Variants in ACE observed in about 807,000 individuals in gnomAD.
ACE encodes the protein angiotensin I converting enzyme, also known as angiotensin-converting enzyme.
Under a neutral mutation model 162.3 loss-of-function variants are expected in ACE, and 122 were observed. The ratio of observed to expected loss-of-function variants is 0.75; its 90% confidence interval spans 0.65 to 0.87. The LOEUF (loss-of-function observed/expected upper bound fraction) is 0.87, where lower values mean the gene tolerates loss of function less well. Among genes scored for constraint, ACE ranks in the 40% least tolerant of loss-of-function variants. The probability of loss-of-function intolerance (pLI) is 0.00; values close to 1 mark genes in which losing one functional copy is unlikely to be tolerated. For synonymous variants in ACE, 796 were observed against 720.6 expected, an observed-to-expected ratio of 1.10 and a Z score of -1.68; for missense variants, 1,799 against 1,735.1, an observed-to-expected ratio of 1.04 and a Z score of -0.65.
rs2029862733 is a variant in ACE, at chr17:63,484,429, C to T, written c.1809C>T (p.Phe603=). The T allele has an allele frequency of 6.2e-7, 1 of 1,612,460 alleles. No individual in the cohort carries two copies. Among genetic ancestry groups the T allele is most frequent in the Admixed American group, 1.7e-5 (1 of 59,964 alleles). The change falls in exon 12 of 25, where the codon TTC becomes TTT. Residue 603 remains phenylalanine, a synonymous_variant. Coordinates refer to ENST00000290866, the MANE Select transcript of ACE (RefSeq NM_000789.4). This position sits in a 1 kb window ranked among gnomAD's most constrained non-coding sequence, Gnocchi z 4.0. ...ATGCCCAGCCGCTGCTCAAGTACTT[C>T]CAGCCAGTCACCCAGTGGCTGCAGG... The part of the protein sequence containing the change: ...ALDAQPLLKY[F]QPVTQWLQEQ...
chr17:63,495,834 C>A, intron 22 of ACE, among the ~76,000 whole-genome samples: 1 of 152,254 alleles, frequency 6.6e-6, no homozygotes, highest in Non-Finnish European at 1.5e-5. Flanking sequence ...GTGGTACATG[C>A]TTGCACCCAG....
chr17:63,486,386 C>T (rs2029936926), intron 13 of ACE, 171 bp from the exon 14 acceptor site: 1 of 723,346 alleles, frequency 1.4e-6, no homozygotes, highest in Admixed American at 2.1e-5. Flanking sequence ...GTACTGCATC[C>T]AGGACGTTAT....
intron 23 of ACE, 80 bp from the exon 24 acceptor site, chr17:63,496,718 G>A (rs1301522279): frequency 6.3e-7 from 1 of 1,595,324 alleles, no homozygotes; most frequent in Admixed American, 1.7e-5. Flanking sequence ...GCTGGGAGTG[G>A]GTATGGAGAG....
Position 63,483,954 on chromosome 17 carries a change from G to A in ACE, c.1692G>A (p.Lys564=), listed in dbSNP as rs1201621622. Residue 564 remains lysine, a synonymous_variant, in exon 11 of 25, where the codon AAG becomes AAA. Coordinates refer to ENST00000290866, the MANE Select transcript of ACE (RefSeq NM_000789.4). ...AGTGTGACATCTACCGGTCCACCAA[G>A]GCAGGGGCCAAGCTCCGGTGTGTGG... ...LHQCDIYRST[K]AGAKLRKVLQ... is the part of the protein sequence containing the mutation. 1 of 1,614,012 alleles carries A rather than the reference G, an allele frequency of 6.2e-7. No individual in the cohort carries two copies. Among genetic ancestry groups the A allele is most frequent in the Admixed American group, 1.7e-5 (1 of 60,016 alleles).
chr17:63,479,921 G>T lies in ACE; in HGVS notation c.655+9G>T, dbSNP rs2049679077. The T allele has an allele frequency of 6.2e-7, 1 of 1,604,862 alleles. No homozygotes were observed. Among genetic ancestry groups the T allele is most frequent in the Middle Eastern group, 1.7e-4 (1 of 5,996 alleles). On this transcript the variant is annotated intron_variant, in intron 4 of 24. Transcript: ENST00000290866. ...AGCCTACAAGCAGGACGGTGAGCAG[G>T]CCTCTCCCTGTCCAGGAACCACGCC...
At chr17:63,482,225 C>T (rs1017063710) in intron 7 of ACE, among the ~76,000 whole-genome samples, 3 of 151,912 alleles carry the variant, frequency 2.0e-5, no homozygotes, top group South Asian at 2.1e-4. Flanking sequence ...CTCTTGAACC[C>T]GGGAGGCGGA....
chr17:63,482,886 C>A, intron 8 of ACE, 143 bp from the exon 9 acceptor site: 1 of 1,098,348 alleles, frequency 9.1e-7, no homozygotes, highest in Non-Finnish European at 1.4e-6. Flanking sequence ...CTCTTCCAAG[C>A]AGGGCCCAGG....
Position 63,497,121 on chromosome 17 carries a change from C to T in ACE, c.3692-16C>T, listed in dbSNP as rs775259926. 6.2e-7 allele frequency: 1 copy of T among 1,601,396 alleles called. No individual in the cohort carries two copies. On this transcript the variant is annotated splice_polypyrimidine_tract_variant and intron_variant, in intron 24 of 24. Transcript: ENST00000290866. ...TGCCCTGCCCTGCCCATGCTGTCTC[C>T]TTGCTTCCCGCTCAGCTCGCTCAGA...
In ACE at chr17:63,496,519, G is replaced by A. The variant is rs1249976994; in HGVS notation, c.3503+3G>A. On this transcript the variant is annotated splice_donor_region_variant and intron_variant, in intron 23 of 24. Transcript: ENST00000290866. ...AAGGAGGCCGGGCAGCGCCTGGCGTGAGTGTCCTCCAGCCCTCCTTTGTTT... is the reference window on the plus strand; with the variant it reads ...AAGGAGGCCGGGCAGCGCCTGGCGTAAGTGTCCTCCAGCCCTCCTTTGTTT... The A allele has an allele frequency of 6.2e-7, 1 of 1,614,050 alleles. No individual in the cohort carries two copies. Among genetic ancestry groups the A allele is most frequent in the Non-Finnish European group, 8.5e-7 (1 of 1,180,048 alleles).
Position 63,491,136 on chromosome 17 carries a change from C to G in ACE, c.2740-73C>G. The G allele has an allele frequency of 6.2e-7, 1 of 1,610,808 alleles. No homozygotes were observed. The highest frequency in any genetic ancestry group is 8.5e-7 in the Non-Finnish European group (1 of 1,178,204). Reference sequence around the variant, plus strand: ...GGAGTTCCCTCCAGTTTAGCCCTCCCCCGGGATCCCCACGGCAGCACGCAG... The same window carrying G: ...GGAGTTCCCTCCAGTTTAGCCCTCCGCCGGGATCCCCACGGCAGCACGCAG... On this transcript the variant is annotated intron_variant, in intron 18 of 24. Coordinates refer to ENST00000290866, the MANE Select transcript of ACE (RefSeq NM_000789.4). The surrounding 1 kb of genome is among the most constrained non-coding windows in gnomAD (Gnocchi z 4.4).
In ACE at chr17:63,485,547, G is replaced by T. The variant is rs918519982; in HGVS notation, c.2058+175G>T. ...TGTAATCCCAGCACTTTGGGAGGGG[G>T]AGGCGGGCGGATCACGAGGTCAGAT... is the stretch of plus-strand genomic sequence containing the variant. On this transcript the variant is annotated intron_variant, in intron 13 of 24. Coordinates refer to ENST00000290866, the MANE Select transcript of ACE (RefSeq NM_000789.4). The T allele has an allele frequency of 1.3e-5, 11 of 822,492 alleles. No individual in the cohort carries two copies. The African/African-American group carries it at 1.5e-4, about 11-fold the overall frequency. 50.9% of individuals were successfully genotyped at this position (822,492 alleles called of 1,614,324 possible).
Position 63,484,660 on chromosome 17 carries a change from G to A in ACE, c.1921+119G>A. The A allele has an allele frequency of 1.4e-6, 2 of 1,449,700 alleles. No individual in the cohort carries two copies. Among genetic ancestry groups the A allele is most frequent in the Admixed American group, 2.3e-5 (1 of 42,922 alleles). The allele number at this position is 1,449,700 out of a possible 1,614,324, so 89.8% of individuals were successfully genotyped here. ...TGAGCCCTGGTACCCTGTCCTGGAGGGCCAGGCAGCCCCCCAAGCTCATCA... is the reference window on the plus strand; with the variant it reads ...TGAGCCCTGGTACCCTGTCCTGGAGAGCCAGGCAGCCCCCCAAGCTCATCA... On this transcript the variant is annotated intron_variant, in intron 12 of 24. Coordinates refer to ENST00000290866, the MANE Select transcript of ACE (RefSeq NM_000789.4). The surrounding 1 kb of genome is among the most constrained non-coding windows in gnomAD (Gnocchi z 4.0).
At chr17:63,480,562 A>C in intron 5 of ACE, 34 bp downstream of exon 5, 3 of 1,610,982 alleles carry the variant, frequency 1.9e-6, no homozygotes, top group Non-Finnish European at 2.5e-6. Flanking sequence ...CATGAGTCCC[A>C]CGGAAGTGTG....
intron 15 of ACE, among the ~76,000 whole-genome samples, chr17:63,488,046 C>A (rs903142756): frequency 6.6e-6 from 1 of 152,054 alleles, no homozygotes; most frequent in South Asian, 2.1e-4. Context: ...ACCAGCCTGG[C>A]CAACATGGTG....
chr17:63,491,862 C>T lies in ACE; in HGVS notation c.2912+481C>T, dbSNP rs1488228107. 2.0e-5 allele frequency among the ~76,000 whole-genome samples: 3 copies of T among 152,328 alleles called. No homozygotes were observed. The highest frequency in any genetic ancestry group is 1.9e-4 in the East Asian group (1 of 5,186). ...CCAAGCACCCCAGAGCTTAGCCTTA[C>T]GAAACAACCAGTTGATTTTGCTTAT... On this transcript the variant is annotated intron_variant, in intron 19 of 24. Transcript: ENST00000290866. The surrounding 1 kb of genome is among the most constrained non-coding windows in gnomAD (Gnocchi z 4.4).
At chr17:63,497,087 G>T (rs747988539) in intron 24 of ACE, 50 bp from the exon 25 acceptor site, 3 of 1,572,312 alleles carry the variant, frequency 1.9e-6, no homozygotes, top group African/African-American at 1.5e-5. Context: ...CCGCACCCTT[G>T]CCCTGCCCTG....
chr17:63,493,732 G>A (rs976713683), intron 20 of ACE, 73 bp downstream of exon 20: 2 of 1,552,642 alleles, frequency 1.3e-6, no homozygotes, highest in Non-Finnish European at 8.8e-7. Flanking sequence ...GTGGGAAAGG[G>A]GCACTTAGTG....
chr17:63,497,274 A>G lies in ACE; in HGVS notation c.3829A>G (p.Ser1277Gly). Reference sequence around the variant, plus strand: ...CCTGCTGGTAGCCACCCTGGGCCTCAGCCAGCGGCTCTTCAGCATCCGCCA... The same window carrying G: ...CCTGCTGGTAGCCACCCTGGGCCTCGGCCAGCGGCTCTTCAGCATCCGCCA... ...IALLVATLGLSQRLFSIRHRS... is the reference protein window; with the variant it reads ...IALLVATLGLGQRLFSIRHRS... The change falls in exon 25 of 25, where the codon AGC (serine) becomes GGC (glycine). Residue 1277 changes from serine to glycine, a missense_variant. By Grantham distance (56) the Ser-to-Gly change is moderately conservative. Transcript: ENST00000290866. 6.4e-7 allele frequency: 1 copy of G among 1,560,854 alleles called. No individual in the cohort carries two copies. The highest frequency in any genetic ancestry group is 1.9e-5 in the Admixed American group (1 of 52,370).
intron 14 of ACE, 97 bp downstream of exon 14, chr17:63,486,812 T>C: frequency 6.5e-7 from 1 of 1,550,112 alleles, no homozygotes; most frequent in East Asian, 2.2e-5. Flanking sequence ...TCTTCCTCGT[T>C]GTATCAAGTC....
Sources: allele counts gnomAD v4.1 joint callset (sites outside exome capture counted in the v4.1 genomes callset), GRCh38; gene constraint gnomAD v4.1.1; non-coding constraint Gnocchi (gnomAD v3.1); transcripts MANE v1.5; gene names NCBI Gene and HGNC (gene_info 2026-07-23, HGNC 2026-07-21).